Variants in TMEM50B observed in about 807,000 individuals in gnomAD.
TMEM50B encodes the protein HCV p7-trans-regulated protein 3.
A neutral mutation model predicts 23.4 loss-of-function variants in TMEM50B; 14 were observed. That is an observed-to-expected ratio of 0.60 (90% CI 0.39 to 0.93). The LOEUF (loss-of-function observed/expected upper bound fraction) is 0.93. Among genes scored for constraint, TMEM50B ranks in the 40% least tolerant of loss-of-function variants. The probability of loss-of-function intolerance (pLI) is 0.00; values close to 1 mark genes in which losing one functional copy is unlikely to be tolerated. For synonymous variants in TMEM50B, 64 were observed against 62.3 expected, an observed-to-expected ratio of 1.03 and a Z score of -0.13; for missense variants, 159 against 193.0, an observed-to-expected ratio of 0.82 and a Z score of 1.04.
intron 6 of TMEM50B, among the ~76,000 whole-genome samples, chr21:33,451,762 T>A (rs547649095): frequency 2.0e-4 from 31 of 152,306 alleles, no homozygotes; most frequent in African/African-American, 7.2e-4. Flanking sequence ...CTCACTGGCA[T>A]ATAAGCAATA....
chr21:33,434,481 C>T (rs1459647417), intron 8 of TMEM50B, among the ~76,000 whole-genome samples: 2 of 152,136 alleles, frequency 1.3e-5, no homozygotes, highest in African/African-American at 2.4e-5. Context: ...AATATCGCAC[C>T]ATAGCACTTT....
chr21:33,455,998 A>T, intron 5 of TMEM50B: 2 of 701,540 alleles, frequency 2.9e-6, no homozygotes, highest in Non-Finnish European at 5.3e-6. Context: ...AAGTCAATGA[A>T]CTTACAAAGT....
intron 3 of TMEM50B, among the ~76,000 whole-genome samples, chr21:33,466,685 G>C (rs1038559958): frequency 2.6e-5 from 4 of 151,948 alleles, no homozygotes; most frequent in Admixed American, 2.6e-4. Context: ...ACCACTGACT[G>C]TAAGATGCAT....
chr21:33,469,062 C>G, intron 1 of TMEM50B, 136 bp from the exon 2 acceptor site: 1 of 603,958 alleles, frequency 1.7e-6, no homozygotes, highest in Non-Finnish European at 2.9e-6. Flanking sequence ...AAATTCAATA[C>G]TTCAACAAGT....
At chr21:33,459,088 G>A (rs926464034) in intron 5 of TMEM50B, among the ~76,000 whole-genome samples, 1 of 152,224 alleles carries the variant, frequency 6.6e-6, no homozygotes, top group Admixed American at 6.5e-5. Flanking sequence ...AGGTAGAGGA[G>A]TCAGAGGATG....
At chr21:33,446,243 T>TA (rs1454971621), downstream of TMEM50B, among the ~76,000 whole-genome samples, 5,626 of 112,978 alleles carry the variant, frequency 0.05, 377 homozygotes, top group African/African-American at 0.18. Flanking sequence ...ATTTTTTATT[T>TA]TTTATTTTTT....
intron 2 of TMEM50B, 52 bp from the exon 3 acceptor site, chr21:33,467,174 A>G (rs751778775): frequency 1.4e-6 from 2 of 1,442,276 alleles, no homozygotes. Context: ...CTAGCACAAT[A>G]CCTGCTTTTT....
intron 2 of TMEM50B, among the ~76,000 whole-genome samples, chr21:33,467,905 G>A (rs921779022): frequency 2.6e-5 from 4 of 152,158 alleles, no homozygotes; most frequent in African/African-American, 9.7e-5. Flanking sequence ...TGCTGTGGGA[G>A]CCAGGAATGG....
intron 4 of TMEM50B, 40 bp from the exon 5 acceptor site, chr21:33,460,545 C>A: frequency 7.5e-7 from 1 of 1,340,790 alleles, no homozygotes; most frequent in Non-Finnish European, 1.0e-6. Context: ...TTCATTTTTG[C>A]AGCTCTGTAA....
At chr21:33,433,727 C>T (rs776353343) in intron 8 of TMEM50B, among the ~76,000 whole-genome samples, 30 of 151,936 alleles carry the variant, frequency 2.0e-4, no homozygotes, top group Non-Finnish European at 4.0e-4. Flanking sequence ...CACTACCGAA[C>T]TGTACACCTA....
intron 1 of TMEM50B, among the ~76,000 whole-genome samples, chr21:33,479,625 G>A (rs1422082333): frequency 6.6e-6 from 1 of 152,222 alleles, no homozygotes; most frequent in Non-Finnish European, 1.5e-5. Flanking sequence ...CGGCCCGAAG[G>A]GACGCGGGCA....
chr21:33,479,064 C>G, intron 1 of TMEM50B: 3 of 313,288 alleles, frequency 9.6e-6, no homozygotes, highest in South Asian at 7.7e-5. Flanking sequence ...AGCAGCCCAG[C>G]CTAGCCCGTC....
At chr21:33,458,815 C>T (rs111412800) in intron 5 of TMEM50B, among the ~76,000 whole-genome samples, 320 of 152,294 alleles carry the variant, frequency 2.1e-3, no homozygotes, top group Admixed American at 5.1e-3. Flanking sequence ...ATTATGTGCT[C>T]TAGTAGTATT....
intron 5 of TMEM50B, among the ~76,000 whole-genome samples, chr21:33,458,738 T>A (rs542582056): frequency 7.0e-4 from 106 of 152,364 alleles, no homozygotes; most frequent in African/African-American, 2.5e-3. Flanking sequence ...TTATATGGTA[T>A]GCAAATTATA....
At position 33,436,710 on chromosome 21, in the gene TMEM50B, A is replaced by G. The variant is rs372191083; in HGVS notation, c.*2120+2504T>C. 1.3e-4 allele frequency: 90 copies of G among 719,186 alleles called. 1 individual carries two copies. The highest frequency in any genetic ancestry group is 2.8e-4 in the East Asian group (10 of 35,128). 44.6% of individuals were successfully genotyped at this position (719,186 alleles called of 1,614,324 possible). The stretch of plus-strand genomic sequence containing the variant: ...ATACTCCAGCCTAGGCAAGAGTAAG[A>G]CTCCATCTCAAAAAAAAAATAAAAA... On this transcript the variant is annotated intron_variant and NMD_transcript_variant, in intron 8 of 8. Transcript: ENST00000420455.
intron 8 of TMEM50B, among the ~76,000 whole-genome samples, chr21:33,437,983 A>AG: frequency 9.9e-6 from 1 of 101,138 alleles, no homozygotes; most frequent in Non-Finnish European, 2.5e-5. Flanking sequence ...ACCCTATCTC[A>AG]AAAAAAAAAA....
intron 1 of TMEM50B, chr21:33,469,604 T>A (rs1244906615): frequency 6.6e-6 from 1 of 152,210 alleles, no homozygotes; most frequent in African/African-American, 2.4e-5. Flanking sequence ...AACTTCTCCA[T>A]GCCACTTCCA....
At chr21:33,439,809 A>G (rs1392354425) in intron 7 of TMEM50B, among the ~76,000 whole-genome samples, 52 of 151,456 alleles carry the variant, frequency 3.4e-4, no homozygotes, top group Non-Finnish European at 2.4e-4. Flanking sequence ...GCACTTTGAG[A>G]CCCTGAGGTG....
intron 1 of TMEM50B, 101 bp from the exon 2 acceptor site, chr21:33,469,027 G>A (rs1006378128): frequency 3.1e-6 from 2 of 650,622 alleles, no homozygotes; most frequent in Admixed American, 2.9e-5. Flanking sequence ...CTTTACTTTA[G>A]GTCCTATTCT....
Sources: allele counts gnomAD v4.1 joint callset (sites outside exome capture counted in the v4.1 genomes callset), GRCh38; gene constraint gnomAD v4.1.1; transcripts MANE v1.5; gene names NCBI Gene and HGNC (gene_info 2026-07-23, HGNC 2026-07-21).